The following GATM variants were observed in gnomAD, a reference collection of about 807,000 sequenced individuals.
The protein encoded by GATM is glycine amidinotransferase.
In GATM, 23 loss-of-function variants were observed where a neutral mutation model predicts 54.2. The ratio of observed to expected loss-of-function variants is 0.42; its 90% CI spans 0.31 to 0.60. The LOEUF is 0.60. GATM is among the 20% of genes least tolerant of loss of function. The pLI, the probability that GATM is intolerant of heterozygous loss-of-function variation, is 0.14. For synonymous variants in GATM, 168 were observed against 183.1 expected, an observed-to-expected ratio of 0.92 and a Z score of 0.67; for missense variants, 401 against 544.9, an observed-to-expected ratio of 0.74 and a Z score of 2.63.
Position 45,368,160 on chromosome 15 carries a change from C to T in GATM, c.585G>A (p.Ala195=), listed in dbSNP as rs773913371. 29 of 1,613,906 alleles carry T rather than the reference C, an allele frequency of 1.8e-5. No individual in the cohort carries two copies. The highest frequency in any genetic ancestry group is 1.2e-4 in the African/African-American group (9 of 74,888). The stretch of plus-strand genomic sequence containing the variant: ...AGTAGTCTTTGATAATTGACCTGTA[C>T]GCTCGGTACTCAAAGAAGCGTGAAC... The part of the protein sequence containing the change: ...AWRSRFFEYR[A]YRSIIKDYFH... The change falls in exon 4 of 9, where the codon GCG becomes GCA. Residue 195 remains alanine (A), a synonymous_variant. Transcript: ENST00000396659. This position sits in a 1 kb window ranked among gnomAD's most constrained non-coding sequence, Gnocchi z 5.1.
intron 3 of GATM, chr15:45,396,803 G>A (rs1889937001): frequency 6.9e-6 from 1 of 144,472 alleles, no homozygotes; most frequent in African/African-American, 2.6e-5. Flanking sequence ...CCAGGAGGCA[G>A]AGGTTGTAGT....
rs1889364243 is a variant in GATM, at chr15:45,361,546, C to CA, written c.*562dup. 1 of 163,706 alleles carries CA rather than the reference C, an allele frequency of 6.1e-6. No homozygotes were observed. Among genetic ancestry groups the CA allele is most frequent in the Non-Finnish European group, 1.3e-5 (1 of 76,278 alleles). The allele number at this position is 163,706 out of a possible 1,614,324, so 10.1% of individuals were successfully genotyped here. A position where few individuals can be genotyped will look rare whatever the true frequency, so the allele number is the denominator to read the frequency against. On this transcript the variant is annotated 3_prime_UTR_variant, in exon 9 of 9. Transcript: ENST00000396659. The stretch of plus-strand genomic sequence containing the variant: ...ATAGTCTAGGTTATTTTTTAAAAAA[C>CA]AAAAAATTAAAAATTACCCAAATTC...
intron 2 of GATM, among the ~76,000 whole-genome samples, chr15:45,374,760 G>A (rs141238901): frequency 6.6e-6 from 1 of 152,282 alleles, no homozygotes; most frequent in African/African-American, 2.4e-5. Flanking sequence ...CAAATAGAAA[G>A]GAAGATCTTT....
In GATM at chr15:45,364,875, A is replaced by G. The variant is rs892638797; in HGVS notation, c.979-15T>C. 1.2e-6 allele frequency: 2 copies of G among 1,609,674 alleles called. No homozygotes were observed. Among genetic ancestry groups the G allele is most frequent in the Non-Finnish European group, 8.5e-7 (1 of 1,175,998 alleles). On this transcript the variant is annotated splice_polypyrimidine_tract_variant and intron_variant, in intron 6 of 8. Transcript: ENST00000396659. ...AAAAGATCAATCTGTAAGACCAAAA[A>G]AAACCCCCAAAACCGTTAAATCTAC... is the stretch of plus-strand genomic sequence containing the variant.
intron 3 of GATM, 37 bp downstream of exon 3, chr15:45,369,289 T>G: frequency 3.2e-6 from 5 of 1,578,178 alleles, no homozygotes; most frequent in Non-Finnish European, 4.4e-6. Context: ...AATTGAAAAT[T>G]CAGACACTGG....
Position 45,376,789 on chromosome 15 carries a change from G to A in GATM, c.100C>T (p.Arg34Ter), listed in dbSNP as rs1377714439. 6.2e-7 allele frequency: 1 copy of A among 1,614,056 alleles called. No individual in the cohort carries two copies. Among genetic ancestry groups the A allele is most frequent in the Non-Finnish European group, 8.5e-7 (1 of 1,179,994 alleles). The change falls in exon 2 of 9, where the codon CGA (arginine) becomes TGA (stop). Residue 34 changes from arginine (R) to a stop codon, truncating the protein, a stop_gained. Coordinates refer to ENST00000396659, the MANE Select transcript of GATM (RefSeq NM_001482.3). LOFTEE classifies it high-confidence loss of function. Reference protein sequence around the residue: ...LGRTLTGWVQRTFQSTQAATA... With the variant: ...LGRTLTGWVQ ...GCTGCCTGGGTGCTCTGGAAAGTTC[G>A]CTGCACCCATCCTGTCAAGGTTCGT...
chr15:45,362,398 A>T (rs1420139206), intron 8 of GATM, among the ~76,000 whole-genome samples, 177 bp from the exon 9 acceptor site: 1 of 152,228 alleles, frequency 6.6e-6, no homozygotes, highest in Non-Finnish European at 1.5e-5. Context: ...CTGCTAATAT[A>T]AAATCTTCTC....
chr15:45,387,447 T>G (rs1046561673), intron 3 of GATM, among the ~76,000 whole-genome samples: 1 of 142,480 alleles, frequency 7.0e-6, no homozygotes, highest in Non-Finnish European at 1.5e-5. Context: ...GGTATTCCTG[T>G]TTTTTTTTTT....
At chr15:45,365,167 T>C (rs1595482316) in intron 6 of GATM, among the ~76,000 whole-genome samples, 3 of 152,210 alleles carry the variant, frequency 2.0e-5, no homozygotes, top group African/African-American at 7.2e-5. Context: ...GAAATTCTCA[T>C]TTTAAAAATT....
At chr15:45,385,827 A>G (rs1889797927) in intron 3 of GATM, among the ~76,000 whole-genome samples, 1 of 152,032 alleles carries the variant, frequency 6.6e-6, no homozygotes, top group Non-Finnish European at 1.5e-5. Flanking sequence ...TAATGAAGTA[A>G]CTCTTATCTT....
intron 8 of GATM, 57 bp downstream of exon 8, chr15:45,363,843 A>G (rs1017364623): frequency 5.9e-6 from 6 of 1,010,684 alleles, no homozygotes; most frequent in Non-Finnish European, 9.4e-6. Flanking sequence ...TCATTTCTTT[A>G]GTTCTTCTCA....
upstream of GATM, chr15:45,378,735 C>T (rs918091345): frequency 1.7e-5 from 6 of 353,506 alleles, no homozygotes; most frequent in Non-Finnish European, 2.5e-5. Flanking sequence ...GGGCCACTGA[C>T]GGCTTCTGTT....
intron 3 of GATM, among the ~76,000 whole-genome samples, chr15:45,390,192 G>A (rs1384023164): frequency 6.6e-6 from 1 of 152,182 alleles, no homozygotes; most frequent in Non-Finnish European, 1.5e-5. Flanking sequence ...TGATACCCAT[G>A]CTGCCAGTCC....
chr15:45,367,027 G>A (rs894289523), intron 4 of GATM, among the ~76,000 whole-genome samples: 1 of 152,108 alleles, frequency 6.6e-6, no homozygotes, highest in African/African-American at 2.4e-5. Context: ...TGAGGATGAA[G>A]GGGCACTATG....
chr15:45,392,310 C>T (rs1145076), intron 3 of GATM, among the ~76,000 whole-genome samples: 3 of 152,048 alleles, frequency 2.0e-5, no homozygotes, highest in Non-Finnish European at 2.9e-5. Context: ...TCCTACAGTG[C>T]GCATTCTCTC....
At chr15:45,388,889 G>A (rs1431922574) in intron 3 of GATM, among the ~76,000 whole-genome samples, 3 of 152,164 alleles carry the variant, frequency 2.0e-5, no homozygotes, top group Non-Finnish European at 4.4e-5. Context: ...CCCCTGGAAA[G>A]GAAGAGGGGT....
At chr15:45,378,554 C>CGCCCGGA, upstream of GATM, 1 of 936,482 alleles carries the variant, frequency 1.1e-6, no homozygotes, top group Non-Finnish European at 1.4e-6. Context: ...TGGGCGGGCG[C>CGCCCGGA]GCGGGGCCCG....
chr15:45,369,721 A>C (rs989392739), intron 2 of GATM, 200 bp from the exon 3 acceptor site: 8 of 587,704 alleles, frequency 1.4e-5, no homozygotes, highest in Non-Finnish European at 2.1e-5. Flanking sequence ...GAACTCTAAA[A>C]CATCTTGATA....
intron 1 of GATM, among the ~76,000 whole-genome samples, chr15:45,400,269 AT>A (rs1275191409): frequency 6.6e-6 from 1 of 152,180 alleles, no homozygotes; most frequent in Non-Finnish European, 1.5e-5. Context: ...TCACAAGGAG[AT>A]TATGTCATTG....
Sources: gnomAD v4.1 joint callset for allele counts (sites outside exome capture counted in the v4.1 genomes callset) on GRCh38, gnomAD v4.1.1 for gene constraint, Gnocchi (gnomAD v3.1) non-coding constraint, MANE v1.5 for transcripts, NCBI Gene and HGNC (gene_info 2026-07-23, HGNC 2026-07-21) for gene names.